The following FAM168A variants were observed in gnomAD, a reference collection of about 807,000 sequenced individuals.
The protein encoded by FAM168A is family with sequence similarity 168 member A.
Under a neutral mutation model 28.5 loss-of-function variants are expected in FAM168A, and 3 were observed. The observed-to-expected ratio is 0.11, with a 90% CI of 0.05 to 0.27. The LOEUF (loss-of-function observed/expected upper bound fraction) is 0.27. Ranked by LOEUF, FAM168A falls within the 10% of genes least tolerant of loss-of-function variation. The pLI is 1.00. For missense variants in FAM168A, 222 were observed against 311.5 expected, an observed-to-expected ratio of 0.71 and a Z score of 2.16; for synonymous variants, 122 against 124.2, an observed-to-expected ratio of 0.98 and a Z score of 0.12.
intron 2 of FAM168A, among the ~76,000 whole-genome samples, chr11:73,449,549 G>C (rs751864870): frequency 6.6e-6 from 1 of 152,206 alleles, no homozygotes; most frequent in Non-Finnish European, 1.5e-5. Context: ...GAACTACTTA[G>C]GATCAGGTCC....
rs1555014488 is a variant in FAM168A at position 73,401,107 on chromosome 11, ATTATT to A, written c.*5651_*5655del. On this transcript the variant is annotated 3_prime_UTR_variant, in exon 8 of 8. Transcript: ENST00000356467. ...TATTATTATTATTATTATTATTATTATTATTTTAAATTTTATTTCTTTTTAAAATG... is the reference window on the plus strand; with the variant it reads ...TATTATTATTATTATTATTATTATTATTAAATTTTATTTCTTTTTAAAATG... The A allele has an allele frequency of 1.3e-5, 2 of 149,282 alleles. No individual in the cohort carries two copies. Among genetic ancestry groups the A allele is most frequent in the African/African-American group, 2.4e-5 (1 of 40,940 alleles). The allele number at this position is 149,282 out of a possible 1,614,324, so 9.2% of individuals were successfully genotyped here.
intron 4 of FAM168A, among the ~76,000 whole-genome samples, chr11:73,415,384 C>A (rs180793284): frequency 2.0e-5 from 3 of 152,210 alleles, no homozygotes; most frequent in Non-Finnish European, 4.4e-5. Context: ...GTGCTACTTC[C>A]TCTAACCACA....
intron 1 of FAM168A, among the ~76,000 whole-genome samples, chr11:73,477,959 A>C (rs958656568): frequency 6.7e-6 from 1 of 150,122 alleles, no homozygotes; most frequent in Non-Finnish European, 1.5e-5. Context: ...ATAGATAGAT[A>C]GATAGATAGA....
At chr11:73,418,259 G>A (rs989124844) in intron 4 of FAM168A, among the ~76,000 whole-genome samples, 2 of 152,200 alleles carry the variant, frequency 1.3e-5, no homozygotes, top group Non-Finnish European at 2.9e-5. Flanking sequence ...GGAGGTACTG[G>A]ATCACAGAGG....
chr11:73,521,283 C>T (rs148071376), intron 1 of FAM168A, among the ~76,000 whole-genome samples: 64 of 152,130 alleles, frequency 4.2e-4, no homozygotes, highest in Middle Eastern at 3.4e-3. Flanking sequence ...ACAGGACACA[C>T]ACCCTATACT....
At chr11:73,573,040 G>A (rs12281470) in intron 1 of FAM168A, among the ~76,000 whole-genome samples, 4,522 of 152,152 alleles carry the variant, frequency 0.03, 224 homozygotes, top group African/African-American at 0.1. Context: ...CTAGCCGGTG[G>A]AAGCAGATCC....
rs142612875 is a variant in FAM168A at position 73,517,107 on chromosome 11, T to C, written c.-18-48615A>G. Among the ~76,000 whole-genome samples the C allele has an allele frequency of 4.0e-4, 61 of 152,332 alleles. 1 individual carries two copies. The highest frequency in any genetic ancestry group is 1.4e-3 in the African/African-American group (60 of 41,572). ...GACCACTGATTCTACATACTTGCAG[T>C]GGCACAATCACAGCTCACTATAACT... On this transcript the variant is annotated intron_variant, in intron 1 of 7. Transcript: ENST00000356467.
chr11:73,496,873 T>TCA (rs71065011), intron 1 of FAM168A, among the ~76,000 whole-genome samples: 18,883 of 140,056 alleles, frequency 0.13, 1,204 homozygotes, highest in Admixed American at 0.15. Context: ...TATGTTCTTA[T>TCA]CACACACACA....
intron 2 of FAM168A, among the ~76,000 whole-genome samples, chr11:73,431,383 T>C (rs1212593334): frequency 1.8e-5 from 2 of 113,390 alleles, no homozygotes; most frequent in Admixed American, 1.2e-4. Context: ...GGAAGCAACA[T>C]TGAAGTTTAC....
At chr11:73,562,557 T>C (rs1943971970) in intron 1 of FAM168A, among the ~76,000 whole-genome samples, 1 of 152,162 alleles carries the variant, frequency 6.6e-6, no homozygotes, top group African/African-American at 2.4e-5. Context: ...CCTGGCACGA[T>C]CGCTCATGCT....
intron 1 of FAM168A, among the ~76,000 whole-genome samples, chr11:73,524,170 C>G (rs1943420906): frequency 6.6e-6 from 1 of 152,040 alleles, no homozygotes; most frequent in African/African-American, 2.4e-5. Context: ...TGTATATAAC[C>G]TCTTAATTCT....
intron 2 of FAM168A, among the ~76,000 whole-genome samples, chr11:73,438,038 G>A (rs185337515): frequency 2.1e-4 from 32 of 152,082 alleles, no homozygotes; most frequent in Admixed American, 1.8e-3. Context: ...TAATTAAGCT[G>A]ACATAACAAG....
intron 3 of FAM168A, among the ~76,000 whole-genome samples, chr11:73,428,440 A>G (rs1866927194): frequency 1.3e-5 from 2 of 152,214 alleles, no homozygotes; most frequent in African/African-American, 4.8e-5. Context: ...TCTGGTTTCT[A>G]GCCTCACCAC....
intron 1 of FAM168A, among the ~76,000 whole-genome samples, chr11:73,594,743 G>A (rs546319087): frequency 6.6e-6 from 1 of 152,236 alleles, no homozygotes; most frequent in East Asian, 1.9e-4. Context: ...TGGCCAGGCT[G>A]ATCTCAAACT....
At chr11:73,451,228 A>G (rs73544710) in intron 2 of FAM168A, among the ~76,000 whole-genome samples, 12,403 of 152,252 alleles carry the variant, frequency 0.081, 643 homozygotes, top group Non-Finnish European at 0.11. Flanking sequence ...ATCTATCCAG[A>G]GTTCCCTATA....
chr11:73,446,471 G>A (rs1867316769), intron 2 of FAM168A, among the ~76,000 whole-genome samples: 1 of 152,206 alleles, frequency 6.6e-6, no homozygotes, highest in Non-Finnish European at 1.5e-5. Context: ...CAAGGGATAT[G>A]AGAAAATTAC....
At chr11:73,460,974 G>T (rs371557622) in intron 2 of FAM168A, among the ~76,000 whole-genome samples, 1 of 152,322 alleles carries the variant, frequency 6.6e-6, no homozygotes, top group East Asian at 1.9e-4. Context: ...GAACTAGATT[G>T]GCTGCCAGAG....
intron 1 of FAM168A, among the ~76,000 whole-genome samples, chr11:73,570,301 G>C (rs538700659): frequency 9.2e-5 from 14 of 152,046 alleles, no homozygotes; most frequent in African/African-American, 2.2e-4. Flanking sequence ...ACTGCACTTG[G>C]CACAAACCCG....
chr11:73,581,830 T>C (rs1403950497), intron 1 of FAM168A, among the ~76,000 whole-genome samples: 2 of 152,120 alleles, frequency 1.3e-5, no homozygotes, highest in Non-Finnish European at 2.9e-5. Flanking sequence ...GCGATTATCC[T>C]GCCTCAGCCT....
Sources: allele counts gnomAD v4.1 joint callset (sites outside exome capture counted in the v4.1 genomes callset), GRCh38; gene constraint gnomAD v4.1.1; transcripts MANE v1.5; gene names NCBI Gene and HGNC (gene_info 2026-07-23, HGNC 2026-07-21).